Variants in VPS54 observed in about 807,000 individuals in gnomAD.
The protein encoded by VPS54 is vacuolar protein sorting-associated protein 54.
Under a neutral mutation model 121.5 loss-of-function variants are expected in VPS54, and 45 were observed. That is an observed-to-expected ratio of 0.37 (90% confidence interval 0.29 to 0.47). The LOEUF (loss-of-function observed/expected upper bound fraction) is 0.47. VPS54 is among the 20% of genes least tolerant of loss of function. The probability of loss-of-function intolerance (pLI) is 0.99; values close to 1 mark genes in which losing one functional copy is unlikely to be tolerated. For synonymous variants in VPS54, 371 were observed against 385.8 expected, an observed-to-expected ratio of 0.96 and a Z score of 0.45; for missense variants, 1,090 against 1,131.4, an observed-to-expected ratio of 0.96 and a Z score of 0.52.
intron 7 of VPS54, among the ~76,000 whole-genome samples, chr2:63,949,770 T>C (rs953948382): frequency 1.2e-4 from 18 of 152,164 alleles, no homozygotes; most frequent in African/African-American, 4.3e-4. Flanking sequence ...TTTACCGAAA[T>C]GCACTGTAAT....
At chr2:63,967,587 C>T (rs569344196) in intron 5 of VPS54, among the ~76,000 whole-genome samples, 1 of 151,912 alleles carries the variant, frequency 6.6e-6, no homozygotes, top group East Asian at 1.9e-4. Context: ...GGCCTGGTAG[C>T]AGGCGCCTGT....
intron 1 of VPS54, among the ~76,000 whole-genome samples, chr2:64,007,071 G>A (rs1321660050): frequency 2.0e-5 from 3 of 152,298 alleles, no homozygotes; most frequent in Non-Finnish European, 2.9e-5. Flanking sequence ...GAGAGGTGGT[G>A]GGTAGGAGAA....
At chr2:63,999,995 A>C (rs1379708984) in intron 1 of VPS54, among the ~76,000 whole-genome samples, 1 of 151,956 alleles carries the variant, frequency 6.6e-6, no homozygotes, top group Non-Finnish European at 1.5e-5. Flanking sequence ...TAAGTGGCTC[A>C]GATTACAGGG....
chr2:64,004,290 C>A (rs1415782497), intron 1 of VPS54, among the ~76,000 whole-genome samples: 4 of 152,108 alleles, frequency 2.6e-5, no homozygotes, highest in Admixed American at 6.5e-5. Flanking sequence ...CAATTTGCAA[C>A]CCCCAATGTA....
intron 12 of VPS54, among the ~76,000 whole-genome samples, chr2:63,925,681 G>T (rs1220210702): frequency 6.6e-6 from 1 of 152,180 alleles, no homozygotes; most frequent in Non-Finnish European, 1.5e-5. Context: ...ACTGCTACAT[G>T]TAACAACCTG....
intron 9 of VPS54, among the ~76,000 whole-genome samples, chr2:63,944,995 T>G (rs1674912361): frequency 6.6e-6 from 1 of 152,152 alleles, no homozygotes; most frequent in African/African-American, 2.4e-5. Flanking sequence ...CTCAAAGACC[T>G]AAAGAGAGAA....
At chr2:64,016,847 G>A (rs1162137432) in intron 1 of VPS54, among the ~76,000 whole-genome samples, 1 of 151,800 alleles carries the variant, frequency 6.6e-6, no homozygotes, top group African/African-American at 2.4e-5. Context: ...GACCTCAGGT[G>A]ATCTACCTGA....
At chr2:63,977,405 G>T (rs546921461) in intron 3 of VPS54, among the ~76,000 whole-genome samples, 26 of 152,242 alleles carry the variant, frequency 1.7e-4, no homozygotes, top group African/African-American at 5.8e-4. Context: ...CTTCCTTGAA[G>T]CCTTACTTCC....
At chr2:63,968,026 C>G (rs190714466) in intron 5 of VPS54, among the ~76,000 whole-genome samples, 1 of 152,232 alleles carries the variant, frequency 6.6e-6, no homozygotes, top group East Asian at 1.9e-4. Context: ...ATGAAGTGAA[C>G]ATTGAGCCTT....
intron 1 of VPS54, among the ~76,000 whole-genome samples, chr2:63,996,979 G>A (rs1213512675): frequency 2.0e-5 from 3 of 152,134 alleles, no homozygotes; most frequent in African/African-American, 7.2e-5. Flanking sequence ...CTGGTTTTAT[G>A]GCTCGGGGGC....
chr2:63,982,742 A>G (rs761541925), intron 2 of VPS54, among the ~76,000 whole-genome samples: 1 of 152,212 alleles, frequency 6.6e-6, no homozygotes, highest in Non-Finnish European at 1.5e-5. Context: ...GGCAATTTAA[A>G]CAGCAAAATC....
chr2:63,907,901 T>A (rs897245930), intron 20 of VPS54, among the ~76,000 whole-genome samples: 2 of 152,000 alleles, frequency 1.3e-5, no homozygotes, highest in Non-Finnish European at 2.9e-5. Flanking sequence ...GGACGAACAT[T>A]AAAAAATAAA....
intron 1 of VPS54, among the ~76,000 whole-genome samples, chr2:64,002,614 C>T (rs916591826): frequency 3.3e-5 from 5 of 152,138 alleles, no homozygotes; most frequent in African/African-American, 1.2e-4. Context: ...TCCTAAGTGC[C>T]ATTTTAGAAA....
intron 3 of VPS54, among the ~76,000 whole-genome samples, chr2:63,975,894 C>T (rs978563103): frequency 7.2e-5 from 11 of 152,120 alleles, no homozygotes; most frequent in African/African-American, 1.9e-4. Context: ...TACAGGCATG[C>T]GCCACCATGC....
At chr2:63,920,764 G>T in intron 13 of VPS54, 137 bp from the exon 14 acceptor site, 1 of 463,404 alleles carries the variant, frequency 2.2e-6, no homozygotes, top group Non-Finnish European at 3.2e-6. Context: ...CCCAGAAATT[G>T]AGCATGAAAT....
intron 11 of VPS54, among the ~76,000 whole-genome samples, chr2:63,938,163 T>C (rs1266707880): frequency 6.6e-6 from 1 of 151,518 alleles, no homozygotes; most frequent in Non-Finnish European, 1.5e-5. Flanking sequence ...GACAGGATCT[T>C]CCTAGGTTGC....
At chr2:63,950,167 C>G (rs573374480) in intron 7 of VPS54, among the ~76,000 whole-genome samples, 22 of 152,332 alleles carry the variant, frequency 1.4e-4, no homozygotes, top group African/African-American at 5.3e-4. Context: ...CTCACAGCAT[C>G]TGCACACAGT....
At chr2:64,013,073 G>A (rs1678501705) in intron 1 of VPS54, among the ~76,000 whole-genome samples, 1 of 152,146 alleles carries the variant, frequency 6.6e-6, no homozygotes, top group Non-Finnish European at 1.5e-5. Context: ...GGTTGTCAGG[G>A]AATAGGATAT....
chr2:64,017,540 C>T (rs918025744), intron 1 of VPS54, among the ~76,000 whole-genome samples: 2 of 152,096 alleles, frequency 1.3e-5, no homozygotes, highest in African/African-American at 2.4e-5. Context: ...GTATTAAATT[C>T]TAATTTCAAA....
Sources: allele counts gnomAD v4.1 joint callset (sites outside exome capture counted in the v4.1 genomes callset), GRCh38; gene constraint gnomAD v4.1.1; transcripts MANE v1.5; gene names NCBI Gene and HGNC (gene_info 2026-07-23, HGNC 2026-07-21).